The following TBC1D5 variants were observed in gnomAD, a reference collection of about 807,000 sequenced individuals.
TBC1D5 encodes the protein TBC1 domain family, member 5.
In TBC1D5, 75 loss-of-function variants were observed where a neutral mutation model predicts 100.3. That is an observed-to-expected ratio of 0.75 (90% CI 0.62 to 0.91). The LOEUF is 0.91. Ranked by LOEUF, TBC1D5 falls within the 40% of genes least tolerant of loss-of-function variation. The probability of loss-of-function intolerance (pLI) is 0.00; values close to 1 mark genes in which losing one functional copy is unlikely to be tolerated. For missense variants in TBC1D5, 910 were observed against 942.4 expected, an observed-to-expected ratio of 0.97 and a Z score of 0.45; for synonymous variants, 323 against 325.6, an observed-to-expected ratio of 0.99 and a Z score of 0.09.
upstream of TBC1D5, among the ~76,000 whole-genome samples, chr3:17,741,503 G>A (rs756424802): frequency 2.4e-4 from 37 of 152,218 alleles, no homozygotes; most frequent in Admixed American, 6.5e-4. Context: ...GTTTACAAAA[G>A]AATTACCGGG....
chr3:17,599,913 A>G (rs952261223), intron 2 of TBC1D5, among the ~76,000 whole-genome samples: 9 of 152,248 alleles, frequency 5.9e-5, no homozygotes, highest in African/African-American at 2.2e-4. Flanking sequence ...GAAAAAAAGC[A>G]GGATACTATA....
chr3:17,273,806 T>C (rs990529063), intron 15 of TBC1D5, among the ~76,000 whole-genome samples: 1 of 106,452 alleles, frequency 9.4e-6, no homozygotes, highest in Non-Finnish European at 1.9e-5. Flanking sequence ...AAACTCTGTA[T>C]CTCAAAAAAA....
intron 1 of TBC1D5, among the ~76,000 whole-genome samples, chr3:17,641,415 T>C (rs2064489340): frequency 6.6e-6 from 1 of 152,028 alleles, no homozygotes; most frequent in Admixed American, 6.6e-5. Context: ...TGCAAGATTT[T>C]GGGAAAAAAA....
At chr3:17,529,332 C>T (rs888583415) in intron 2 of TBC1D5, among the ~76,000 whole-genome samples, 2 of 152,180 alleles carry the variant, frequency 1.3e-5, no homozygotes, top group Admixed American at 1.3e-4. Context: ...CTTGCAATAT[C>T]TCTGTCCCGA....
Position 17,652,054 on chromosome 3 carries a change from C to T in TBC1D5, c.-100-28141G>A, listed in dbSNP as rs1278028871. Among the ~76,000 whole-genome samples, 3 of 152,110 alleles carry T rather than the reference C, an allele frequency of 2.0e-5. No individual in the cohort carries two copies. The East Asian group carries it at 5.8e-4, about 29-fold the overall frequency. ...AAACAAGATGACCTAGGACTAAAGA[C>T]TTGATTTTAAACCATTAAAAAAGCC... is the stretch of plus-strand genomic sequence containing the variant. On this transcript the variant is annotated intron_variant, in intron 1 of 21. Transcript: ENST00000253692.
intron 2 of TBC1D5, among the ~76,000 whole-genome samples, chr3:17,549,801 A>G (rs942663566): frequency 3.3e-5 from 5 of 151,928 alleles, no homozygotes; most frequent in Non-Finnish European, 7.4e-5. Flanking sequence ...TGTGTAGTGC[A>G]TGCCTGTATT....
At chr3:17,590,758 A>G (rs1421754099) in intron 2 of TBC1D5, among the ~76,000 whole-genome samples, 1 of 152,204 alleles carries the variant, frequency 6.6e-6, no homozygotes, top group Admixed American at 6.5e-5. Context: ...GGGCATAGCT[A>G]CCATAATAGA....
chr3:17,341,983 G>C (rs991488483), intron 13 of TBC1D5, among the ~76,000 whole-genome samples: 17 of 151,998 alleles, frequency 1.1e-4, no homozygotes, highest in Admixed American at 2.6e-4. Flanking sequence ...CACTGCTATT[G>C]ACCTTATCAT....
At chr3:17,335,160 T>C (rs974092894) in intron 13 of TBC1D5, among the ~76,000 whole-genome samples, 1 of 152,110 alleles carries the variant, frequency 6.6e-6, no homozygotes, top group African/African-American at 2.4e-5. Flanking sequence ...ACTAAACATA[T>C]CTTAACAAGT....
intron 14 of TBC1D5, among the ~76,000 whole-genome samples, chr3:17,302,076 G>C (rs1450954873): frequency 1.3e-5 from 2 of 152,134 alleles, no homozygotes; most frequent in Non-Finnish European, 2.9e-5. Context: ...GTTTTGGTAG[G>C]ACCATGTTCC....
chr3:17,433,429 CAT>C (rs1422206864), intron 3 of TBC1D5, among the ~76,000 whole-genome samples: 3 of 152,160 alleles, frequency 2.0e-5, no homozygotes, highest in Non-Finnish European at 2.9e-5. Flanking sequence ...TGCCCTACCT[CAT>C]ATGATGGCAT....
At chr3:17,566,499 C>G (rs9847477) in intron 2 of TBC1D5, among the ~76,000 whole-genome samples, 76,070 of 151,548 alleles carry the variant, frequency 0.5, 20,692 homozygotes, top group African/African-American at 0.69. Context: ...TAAAAGTAGG[C>G]CCTTCTGTTT....
chr3:17,636,086 G>C (rs1162577305), intron 1 of TBC1D5, among the ~76,000 whole-genome samples: 1 of 152,100 alleles, frequency 6.6e-6, no homozygotes, highest in Non-Finnish European at 1.5e-5. Flanking sequence ...CCAGCTACTT[G>C]AGAGGCTGAG....
chr3:17,550,550 A>AC lies in TBC1D5; in HGVS notation c.-35-41946_-35-41945insG, dbSNP rs533915183. On this transcript the variant is annotated intron_variant, in intron 2 of 21. Coordinates refer to ENST00000253692, the Ensembl canonical transcript of TBC1D5. ...AAAGTTAAAAACAACAACAACAACA[A>AC]AAAAAAAAAACACCACAGAAGGTCT... is the stretch of plus-strand genomic sequence containing the variant. Among the ~76,000 whole-genome samples, 808 of 149,296 alleles carry AC rather than the reference A, an allele frequency of 5.4e-3. 6 individuals are homozygous for AC. Among genetic ancestry groups the AC allele is most frequent in the African/African-American group, 0.019 (765 of 40,988 alleles).
intron 20 of TBC1D5, among the ~76,000 whole-genome samples, chr3:17,167,224 T>C (rs540433887): frequency 6.6e-6 from 1 of 152,302 alleles, no homozygotes; most frequent in Admixed American, 6.5e-5. Context: ...AATTTGCCTG[T>C]ACACCCACCC....
intron 1 of TBC1D5, among the ~76,000 whole-genome samples, chr3:17,631,697 T>G (rs2063520341): frequency 6.6e-6 from 1 of 152,190 alleles, no homozygotes; most frequent in African/African-American, 2.4e-5. Context: ...CCTTAAGAGT[T>G]ATGCTAATTC....
intron 1 of TBC1D5, among the ~76,000 whole-genome samples, chr3:17,714,781 T>C (rs974981518): frequency 6.6e-5 from 10 of 152,020 alleles, no homozygotes; most frequent in Non-Finnish European, 1.3e-4. Flanking sequence ...CTGGGCAACA[T>C]AGTGAGACCC....
In TBC1D5 at chr3:17,506,372, T is replaced by A. The variant is rs559928601; in HGVS notation, c.97+2102A>T. 3.4e-3 allele frequency among the ~76,000 whole-genome samples: 525 copies of A among 152,336 alleles called. 4 individuals carry two copies. The highest frequency in any genetic ancestry group is 0.011 in the African/African-American group (478 of 41,582). ...TGAAGAACAAGATATTTACATATCT[T>A]TCTTTCTGCATGTGCATGTGCGTAT... On this transcript the variant is annotated intron_variant, in intron 3 of 21. Coordinates refer to ENST00000253692, the Ensembl canonical transcript of TBC1D5.
intron 1 of TBC1D5, among the ~76,000 whole-genome samples, chr3:17,734,860 A>AGGAT (rs1230471497): frequency 6.6e-6 from 1 of 152,032 alleles, no homozygotes; most frequent in East Asian, 1.9e-4. Flanking sequence ...CCGATGTGGG[A>AGGAT]GGATAGCTTG....
Sources: gnomAD v4.1 joint callset for allele counts (sites outside exome capture counted in the v4.1 genomes callset) on GRCh38, gnomAD v4.1.1 for gene constraint, MANE v1.5 for transcripts, NCBI Gene and HGNC (gene_info 2026-07-23, HGNC 2026-07-21) for gene names.